The following WDR88 variants were observed in gnomAD, a reference collection of about 807,000 sequenced individuals.
WDR88 encodes the protein WD repeat-containing protein 88.
A neutral mutation model predicts 46.8 loss-of-function variants in WDR88; 40 were observed. The ratio of observed to expected loss-of-function variants is 0.86; its 90% confidence interval spans 0.66 to 1.11. The LOEUF (loss-of-function observed/expected upper bound fraction) is 1.11. Ranked by LOEUF, WDR88 falls within the 50% of genes most tolerant of loss-of-function variation. The pLI, the probability that WDR88 is intolerant of heterozygous loss-of-function variation, is 0.00. For synonymous variants in WDR88, 235 were observed against 240.7 expected, an observed-to-expected ratio of 0.98 and a Z score of 0.22; for missense variants, 562 against 602.4, an observed-to-expected ratio of 0.93 and a Z score of 0.70.
intron 1 of WDR88, among the ~76,000 whole-genome samples, chr19:33,134,878 C>T (rs1973225372): frequency 7.4e-6 from 1 of 135,852 alleles, no homozygotes; most frequent in Non-Finnish European, 1.6e-5. Context: ...AACCGGAAGG[C>T]CACCGCCGCC....
chr19:33,174,313 T>C, intron 10 of WDR88: 2 of 1,520,328 alleles, frequency 1.3e-6, no homozygotes, highest in Non-Finnish European at 1.8e-6. Context: ...TTTACCCCCC[T>C]CTCCAGCAGG....
At chr19:33,152,584 T>A (rs939756174) in intron 6 of WDR88, among the ~76,000 whole-genome samples, 1 of 152,174 alleles carries the variant, frequency 6.6e-6, no homozygotes, top group African/African-American at 2.4e-5. Flanking sequence ...GTAGCCTGCA[T>A]CAGAACATCA....
At chr19:33,169,763 G>A (rs1974007636) in intron 9 of WDR88, among the ~76,000 whole-genome samples, 1 of 151,278 alleles carries the variant, frequency 6.6e-6, no homozygotes. Flanking sequence ...AGTGTTCAAT[G>A]TACTAAATCT....
chr19:33,161,194 A>G (rs1240594606), intron 8 of WDR88, among the ~76,000 whole-genome samples: 2 of 152,122 alleles, frequency 1.3e-5, no homozygotes, highest in South Asian at 4.1e-4. Flanking sequence ...AACAAAACAA[A>G]AAACAGAAAT....
chr19:33,140,259 A>G (rs558758811), intron 2 of WDR88, among the ~76,000 whole-genome samples: 1 of 152,256 alleles, frequency 6.6e-6, no homozygotes, highest in East Asian at 1.9e-4. Flanking sequence ...GACTCAAGCA[A>G]TCCCCCCATC....
chr19:33,175,027 G>A, intron 10 of WDR88: 28 of 984,224 alleles, frequency 2.8e-5, no homozygotes, highest in Non-Finnish European at 3.4e-5. Flanking sequence ...TTGAGGCCAG[G>A]AGTTCAAGAC....
intron 1 of WDR88, among the ~76,000 whole-genome samples, chr19:33,134,518 G>A (rs1461347591): frequency 6.6e-6 from 1 of 151,930 alleles, no homozygotes; most frequent in Non-Finnish European, 1.5e-5. Context: ...TTTAATGATA[G>A]TTGGGTTTTC....
chr19:33,164,280 G>A lies in WDR88; in HGVS notation c.1149+15G>A, dbSNP rs202209466. 1.9e-6 allele frequency: 3 copies of A among 1,611,386 alleles called. No homozygotes were observed. Among genetic ancestry groups the A allele is most frequent in the Non-Finnish European group, 2.5e-6 (3 of 1,177,480 alleles). ...CTGCTTCCAAGGTAAAAGTGGTCAA[G>A]CTTACAATATCGATCACGTTCGCCA... On this transcript the variant is annotated intron_variant, in intron 9 of 10. Coordinates refer to ENST00000355868, the MANE Select transcript of WDR88 (RefSeq NM_173479.4).
intron 8 of WDR88, among the ~76,000 whole-genome samples, chr19:33,161,703 G>A (rs892922165): frequency 6.6e-6 from 1 of 151,956 alleles, no homozygotes; most frequent in Non-Finnish European, 1.5e-5. Flanking sequence ...AGTGGCTCAT[G>A]CCTGTAATCC....
chr19:33,138,161 C>A (rs1236254091), intron 2 of WDR88, among the ~76,000 whole-genome samples: 1 of 151,596 alleles, frequency 6.6e-6, no homozygotes, highest in Admixed American at 6.6e-5. Context: ...CTCAGCCTCC[C>A]AAGTAGCTGG....
At chr19:33,156,041 G>A (rs1444542316) in intron 6 of WDR88, among the ~76,000 whole-genome samples, 1 of 152,218 alleles carries the variant, frequency 6.6e-6, no homozygotes, top group Non-Finnish European at 1.5e-5. Flanking sequence ...AGCAGCCTGG[G>A]TAACATAGCG....
intron 7 of WDR88, 93 bp from the exon 8 acceptor site, chr19:33,160,321 G>C (rs11881084): frequency 1.6e-6 from 2 of 1,237,410 alleles, no homozygotes; most frequent in East Asian, 2.3e-5. Context: ...AGTGAGATGA[G>C]GTGGTGCCTC....
chr19:33,159,066 A>C (rs1362609777), intron 7 of WDR88, among the ~76,000 whole-genome samples: 2 of 151,752 alleles, frequency 1.3e-5, no homozygotes, highest in African/African-American at 4.8e-5. Flanking sequence ...GTGGTGGCTC[A>C]CAGCTTTAAT....
At position 33,132,354 on chromosome 19, in the gene WDR88, C is replaced by A; in HGVS notation, c.185C>A (p.Ala62Asp). 1 of 1,614,072 alleles carries A rather than the reference C, an allele frequency of 6.2e-7. No homozygotes were observed. The highest frequency in any genetic ancestry group is 8.5e-7 in the Non-Finnish European group (1 of 1,180,002). ...CTGCTGGCCACCCTCGACCCCCTGG[C>A]CTTGGACAGGGAACCACCACCGCAT... Reference protein sequence around the residue: ...THLLATLDPLALDREPPPHLL... With the variant: ...THLLATLDPLDLDREPPPHLL... Residue 62 changes from alanine to aspartate, a missense_variant, in exon 1 of 11, where the codon GCC becomes GAC. Ala to Asp is a moderately radical substitution (Grantham distance 126, BLOSUM62 -2). Coordinates refer to ENST00000355868, the MANE Select transcript of WDR88 (RefSeq NM_173479.4).
chr19:33,140,555 C>T lies in WDR88; in HGVS notation c.387+2768C>T, dbSNP rs550910753. 1.1e-4 allele frequency among the ~76,000 whole-genome samples: 16 copies of T among 152,230 alleles called. No individual in the cohort carries two copies. In the South Asian group the frequency reaches 2.1e-3, roughly 20 times the overall value. On this transcript the variant is annotated intron_variant, in intron 2 of 10. Transcript: ENST00000355868. ...CTGTAATCCCAGCACTTTGGGAGGC[C>T]GAGGCGAGCAAATCACCTGAGATCA...
intron 10 of WDR88, chr19:33,175,015 A>C: frequency 1.0e-6 from 1 of 985,006 alleles, no homozygotes; most frequent in South Asian, 4.7e-5. Flanking sequence ...TGGGTGGATC[A>C]CTTGAGGCCA....
intron 1 of WDR88, among the ~76,000 whole-genome samples, chr19:33,137,376 C>T (rs1321246384): frequency 1.3e-5 from 2 of 151,976 alleles, no homozygotes; most frequent in Non-Finnish European, 2.9e-5. Context: ...GCCTCAGCCT[C>T]CGAGTAGCTG....
intron 6 of WDR88, among the ~76,000 whole-genome samples, chr19:33,153,229 G>GTTTTTT (rs35860325): frequency 7.7e-6 from 1 of 129,516 alleles, no homozygotes; most frequent in African/African-American, 2.8e-5. Flanking sequence ...TTTTAAGTTT[G>GTTTTTT]TTTTTTTTTT....
intron 1 of WDR88, among the ~76,000 whole-genome samples, chr19:33,133,345 C>T (rs926893672): frequency 6.6e-5 from 10 of 151,660 alleles, no homozygotes; most frequent in South Asian, 4.2e-4. Flanking sequence ...GTCAAGGGTT[C>T]GAGACCAGCC....
Sources: allele counts gnomAD v4.1 joint callset (sites outside exome capture counted in the v4.1 genomes callset), GRCh38; gene constraint gnomAD v4.1.1; transcripts MANE v1.5; gene names NCBI Gene and HGNC (gene_info 2026-07-23, HGNC 2026-07-21).